SMYD3: variants seen among roughly 807,000 people sequenced by gnomAD.
The protein encoded by SMYD3 is SET and MYND domain containing 3, also known as histone-lysine N-methyltransferase SMYD3.
In SMYD3, 36 loss-of-function variants were observed where a neutral mutation model predicts 57.7. That is an observed-to-expected ratio of 0.62 (90% CI 0.48 to 0.82). The LOEUF (loss-of-function observed/expected upper bound fraction) is 0.82, where lower values mean the gene tolerates loss of function less well. Among genes scored for constraint, SMYD3 ranks in the 40% least tolerant of loss-of-function variants. SMYD3 has a pLI of 0.00. For missense variants in SMYD3, 515 were observed against 538.8 expected (o/e 0.96, Z 0.44); for synonymous variants, 211 against 195.0 (o/e 1.08, Z -0.68).
intron 5 of SMYD3, among the ~76,000 whole-genome samples, chr1:246,153,730 C>G (rs192814833): frequency 1.3e-5 from 2 of 152,130 alleles, no homozygotes; most frequent in African/African-American, 4.8e-5. Flanking sequence ...CCTTGGCCTC[C>G]CAAAGCCTGG....
intron 5 of SMYD3, among the ~76,000 whole-genome samples, chr1:246,044,433 G>A (rs1354570113): frequency 6.6e-6 from 1 of 152,194 alleles, no homozygotes; most frequent in African/African-American, 2.4e-5. Context: ...CACAAACTGG[G>A]TAATGATGAT....
chr1:246,143,124 A>C lies in SMYD3; in HGVS notation c.531+184077T>G, dbSNP rs1047459384. Among the ~76,000 whole-genome samples, 24 of 93,778 alleles carry C rather than the reference A, an allele frequency of 2.6e-4. 1 individual carries two copies. Among genetic ancestry groups the C allele is most frequent in the Admixed American group, 1.4e-4 (1 of 7,394 alleles). The allele number at this position is 93,778 out of a possible 152,430, so 61.5% of individuals were successfully genotyped here. On this transcript the variant is annotated intron_variant, in intron 5 of 11. Coordinates refer to ENST00000490107, the MANE Select transcript of SMYD3 (RefSeq NM_001167740.2). ...TTAATGGAAATACAGTTGTATATTT[A>C]ATACACACACACACACACACACACA...
intron 5 of SMYD3, among the ~76,000 whole-genome samples, chr1:246,109,064 T>C (rs2061181432): frequency 6.6e-6 from 1 of 152,210 alleles, no homozygotes; most frequent in Non-Finnish European, 1.5e-5. Flanking sequence ...TATTTGTCTT[T>C]TTTCTTCCTA....
At chr1:245,799,303 A>G (rs2148230209) in intron 10 of SMYD3, among the ~76,000 whole-genome samples, 2 of 152,318 alleles carry the variant, frequency 1.3e-5, no homozygotes, top group East Asian at 3.9e-4. Flanking sequence ...AAGGTCTGCC[A>G]TGTCCCACCA....
chr1:246,265,595 G>C (rs2064091369), intron 5 of SMYD3, among the ~76,000 whole-genome samples: 1 of 151,716 alleles, frequency 6.6e-6, no homozygotes, highest in Non-Finnish European at 1.5e-5. Flanking sequence ...TAGCTATTGG[G>C]ATATTCACAT....
chr1:245,864,489 C>T (rs139648741), intron 8 of SMYD3, among the ~76,000 whole-genome samples: 194 of 152,280 alleles, frequency 1.3e-3, no homozygotes, highest in Admixed American at 2.0e-3. Context: ...GGCTTGAATA[C>T]GTTACGCTAA....
At chr1:246,248,167 T>C (rs1353271385) in intron 5 of SMYD3, among the ~76,000 whole-genome samples, 3 of 152,146 alleles carry the variant, frequency 2.0e-5, no homozygotes, top group Admixed American at 6.5e-5. Flanking sequence ...TTCATAAAAC[T>C]GAAAAGCAAC....
intron 5 of SMYD3, among the ~76,000 whole-genome samples, chr1:245,964,647 T>A (rs6670582): frequency 0.14 from 21,229 of 152,096 alleles, 1,806 homozygotes; most frequent in East Asian, 0.41. Flanking sequence ...AAAGCAAAAG[T>A]AATGCTAGAG....
Position 245,782,235 on chromosome 1 carries a change from T to A in SMYD3, c.1077-18086A>T, listed in dbSNP as rs373977065. ...TTACTGTAGTTCCTTTAATCTTGTC[T>A]CCAGAGGAGCCCCTGCAGCCATGAA... On this transcript the variant is annotated intron_variant, in intron 10 of 11. Transcript: ENST00000490107. Among the ~76,000 whole-genome samples, 4 of 152,328 alleles carry A rather than the reference T, an allele frequency of 2.6e-5. No individual in the cohort carries two copies. In the South Asian group the frequency reaches 6.2e-4, roughly 24 times the overall value.
At chr1:246,430,972 T>C (rs6669331) in intron 1 of SMYD3, among the ~76,000 whole-genome samples, 3,483 of 152,124 alleles carry the variant, frequency 0.023, 136 homozygotes, top group African/African-American at 0.079. Context: ...CACAGCAAGA[T>C]AGAATAAGAA....
intron 1 of SMYD3, among the ~76,000 whole-genome samples, chr1:246,501,586 A>G (rs951540835): frequency 2.0e-5 from 3 of 152,164 alleles, no homozygotes; most frequent in Non-Finnish European, 2.9e-5. Context: ...TTCACTGGCC[A>G]TCACCTTCCT....
chr1:245,928,128 G>A (rs574008962), intron 6 of SMYD3, 95 bp from the exon 7 acceptor site: 6 of 925,112 alleles, frequency 6.5e-6, no homozygotes, highest in Non-Finnish European at 9.9e-6. Flanking sequence ...TTCCTTTGGG[G>A]GGCAGCAGCA....
chr1:246,307,990 C>T (rs989553790), intron 5 of SMYD3, among the ~76,000 whole-genome samples: 3 of 152,092 alleles, frequency 2.0e-5, no homozygotes, highest in Non-Finnish European at 4.4e-5. Context: ...CTGACTCTTC[C>T]ACCTACAGTA....
At chr1:246,411,856 A>C (rs2066977752) in intron 1 of SMYD3, among the ~76,000 whole-genome samples, 1 of 147,692 alleles carries the variant, frequency 6.8e-6, no homozygotes, top group Non-Finnish European at 1.5e-5. Flanking sequence ...GGATAGCATT[A>C]GGATATATAC....
intron 5 of SMYD3, among the ~76,000 whole-genome samples, chr1:246,077,705 T>C (rs1450461581): frequency 6.6e-6 from 1 of 152,074 alleles, no homozygotes; most frequent in Non-Finnish European, 1.5e-5. Context: ...CCAGGCTTTT[T>C]CCCATTCTGG....
At chr1:246,407,128 G>C (rs2066879692) in intron 1 of SMYD3, among the ~76,000 whole-genome samples, 1 of 150,502 alleles carries the variant, frequency 6.6e-6, no homozygotes, top group Admixed American at 6.6e-5. Flanking sequence ...CTCTGAAGGA[G>C]ACAAAGGTGC....
intron 1 of SMYD3, among the ~76,000 whole-genome samples, chr1:246,368,848 A>C (rs1335443390): frequency 6.6e-6 from 1 of 152,164 alleles, no homozygotes; most frequent in African/African-American, 2.4e-5. Context: ...ATCAGGCTCC[A>C]AGTTCTTCAG....
intron 5 of SMYD3, chr1:246,326,993 A>C (rs2148660756): frequency 1.7e-6 from 1 of 579,666 alleles, no homozygotes; most frequent in Non-Finnish European, 3.0e-6. Flanking sequence ...GGCAATAACA[A>C]GAATATTAAT....
chr1:245,901,187 G>C (rs562645578), intron 8 of SMYD3, among the ~76,000 whole-genome samples: 1 of 152,236 alleles, frequency 6.6e-6, no homozygotes, highest in Non-Finnish European at 1.5e-5. Flanking sequence ...CATGACATCT[G>C]GGTGTCAGAC....
Sources: gnomAD v4.1 joint callset for allele counts (sites outside exome capture counted in the v4.1 genomes callset) on GRCh38, gnomAD v4.1.1 for gene constraint, MANE v1.5 for transcripts, NCBI Gene and HGNC (gene_info 2026-07-23, HGNC 2026-07-21) for gene names.